Variants in THSD7B observed in about 807,000 individuals in gnomAD.
The protein encoded by THSD7B is thrombospondin type 1 domain containing 7B.
A neutral mutation model predicts 213.6 loss-of-function variants in THSD7B; 138 were observed. The ratio of observed to expected loss-of-function variants is 0.65; its 90% CI spans 0.56 to 0.74. The LOEUF is 0.74. Ranked by LOEUF, THSD7B falls within the 30% of genes least tolerant of loss-of-function variation. The pLI, the probability that THSD7B is intolerant of heterozygous loss-of-function variation, is 0.00. For synonymous variants in THSD7B, 742 were observed against 687.0 expected (o/e 1.08, Z -1.25); for missense variants, 1,931 against 1,991.5 (o/e 0.97, Z 0.58).
intron 12 of THSD7B, among the ~76,000 whole-genome samples, chr2:137,310,788 C>G (rs1683881935): frequency 6.6e-6 from 1 of 151,950 alleles, no homozygotes; most frequent in Non-Finnish European, 1.5e-5. Flanking sequence ...TTGTTTTTCT[C>G]AGGTTTGTCA....
chr2:136,766,871 G>C (rs1180103746), intron 1 of THSD7B, among the ~76,000 whole-genome samples: 1 of 152,106 alleles, frequency 6.6e-6, no homozygotes, highest in East Asian at 1.9e-4. Flanking sequence ...TTTAAATGAC[G>C]GTCTGCCTGG....
rs551999054 is a variant in THSD7B, at chr2:137,647,947, GT to G, written c.3945+5318del. Among the ~76,000 whole-genome samples the G allele has an allele frequency of 5.1e-4, 77 of 152,250 alleles. 1 individual carries two copies. The Middle Eastern group carries it at 0.024, about 47-fold the overall frequency. On this transcript the variant is annotated intron_variant, in intron 21 of 27. Transcript: ENST00000409968. ...GTGTGAAAGTTTTGCCTTGGACTCT[GT>G]TTTCTAGAATATCTACATGAAAACA... is the stretch of plus-strand genomic sequence containing the variant.
intron 12 of THSD7B, among the ~76,000 whole-genome samples, chr2:137,349,358 C>T: frequency 6.6e-6 from 1 of 151,770 alleles, no homozygotes; most frequent in East Asian, 1.9e-4. Flanking sequence ...ATGCTGATTG[C>T]TTTCCATTCC....
chr2:137,080,057 G>C (rs978715028), intron 3 of THSD7B, among the ~76,000 whole-genome samples: 2 of 152,022 alleles, frequency 1.3e-5, no homozygotes, highest in Admixed American at 1.3e-4. Context: ...GGCCAGGCTG[G>C]TCTCAAACTG....
intron 12 of THSD7B, among the ~76,000 whole-genome samples, chr2:137,289,199 G>A (rs1260407641): frequency 6.6e-6 from 1 of 151,762 alleles, no homozygotes; most frequent in Non-Finnish European, 1.5e-5. Flanking sequence ...GTGGAAATTA[G>A]TGGAGAGATT....
chr2:137,581,211 AT>A (rs1218571664), intron 17 of THSD7B, among the ~76,000 whole-genome samples: 1 of 152,206 alleles, frequency 6.6e-6, no homozygotes, highest in Admixed American at 6.5e-5. Flanking sequence ...TGCTGATATT[AT>A]TTTTAGAATT....
intron 1 of THSD7B, among the ~76,000 whole-genome samples, chr2:136,814,567 T>A (rs959495256): frequency 2.6e-5 from 4 of 152,032 alleles, no homozygotes; most frequent in African/African-American, 9.7e-5. Flanking sequence ...CCTGGCTAAT[T>A]TTTTGTAATT....
At chr2:137,256,737 T>C (rs1682319818) in intron 10 of THSD7B, among the ~76,000 whole-genome samples, 1 of 152,138 alleles carries the variant, frequency 6.6e-6, no homozygotes, top group South Asian at 2.1e-4. Flanking sequence ...TGAGACGACA[T>C]TGGAAACCAG....
chr2:137,567,133 CTATTTTATTTTATTT>C lies in THSD7B; in HGVS notation c.3272+3816_3272+3830del, dbSNP rs375165713. Among the ~76,000 whole-genome samples the C allele has an allele frequency of 1.2e-3, 170 of 137,678 alleles. 1 individual carries two copies. The highest frequency in any genetic ancestry group is 2.7e-3 in the South Asian group (11 of 4,078). The allele number at this position is 137,678 out of a possible 152,430, so 90.3% of individuals were successfully genotyped here. The stretch of plus-strand genomic sequence containing the variant: ...GTTTGATGTGGGGGAGTGACATGCT[CTATTTTATTTTATTT>C]TATTTTATTTTATTTTATTTTATTT... On this transcript the variant is annotated intron_variant, in intron 16 of 27. Transcript: ENST00000409968.
At chr2:136,812,346 T>TA (rs1297731553) in intron 1 of THSD7B, among the ~76,000 whole-genome samples, 1 of 152,194 alleles carries the variant, frequency 6.6e-6, no homozygotes, top group South Asian at 2.1e-4. Context: ...AGAAAGAATA[T>TA]AAAAAATTCA....
rs754783041 is a variant in THSD7B, at chr2:137,396,968, C to G, written c.2501-8645C>G. Among the ~76,000 whole-genome samples, 74 of 140,386 alleles carry G rather than the reference C, an allele frequency of 5.3e-4. 6 individuals carry two copies. Among genetic ancestry groups the G allele is most frequent in the Non-Finnish European group, 8.7e-4 (55 of 63,140 alleles). The allele number at this position is 140,386 out of a possible 152,430, so 92.1% of individuals were successfully genotyped here. A position where few individuals can be genotyped will look rare whatever the true frequency, so the allele number is the denominator to read the frequency against. On this transcript the variant is annotated intron_variant, in intron 12 of 27. Transcript: ENST00000409968. ...TTTGTTGGTTTTAAGTCTGTTTTATCAGAGACGAGGATTGCAACCCCTGCC... is the reference window on the plus strand; with the variant it reads ...TTTGTTGGTTTTAAGTCTGTTTTATGAGAGACGAGGATTGCAACCCCTGCC...
chr2:136,937,083 A>G (rs1684747287), intron 2 of THSD7B, among the ~76,000 whole-genome samples: 1 of 152,130 alleles, frequency 6.6e-6, no homozygotes, highest in African/African-American at 2.4e-5. Flanking sequence ...GCACCGTAAC[A>G]AGAAACCTCA....
Position 137,103,186 on chromosome 2 carries a change from C to A in THSD7B, c.1199+8065C>A, listed in dbSNP as rs532799622. On this transcript the variant is annotated intron_variant, in intron 4 of 27. Transcript: ENST00000409968. The stretch of plus-strand genomic sequence containing the variant: ...GAAGCTGATCAGACGGAGAGTGGAT[C>A]TTTCTTCAGAAACCCTACAAGCTAG... Among the ~76,000 whole-genome samples the A allele has an allele frequency of 5.9e-5, 9 of 152,220 alleles. No individual in the cohort carries two copies. In the South Asian group the frequency reaches 1.9e-3, roughly 32 times the overall value.
At chr2:137,602,108 T>A (rs1682084824) in intron 17 of THSD7B, among the ~76,000 whole-genome samples, 2 of 152,210 alleles carry the variant, frequency 1.3e-5, no homozygotes, top group Non-Finnish European at 2.9e-5. Context: ...ACAATCCAAA[T>A]TATCCTTCAA....
intron 2 of THSD7B, among the ~76,000 whole-genome samples, chr2:136,967,401 A>G (rs765192418): frequency 6.6e-6 from 1 of 152,086 alleles, no homozygotes; most frequent in Non-Finnish European, 1.5e-5. Flanking sequence ...ATATCCAGTC[A>G]TTTGCCAAAT....
intron 2 of THSD7B, among the ~76,000 whole-genome samples, chr2:137,016,183 G>A (rs781601846): frequency 1.3e-5 from 2 of 152,046 alleles, no homozygotes; most frequent in Non-Finnish European, 2.9e-5. Flanking sequence ...GGCTTGGGGG[G>A]TGAGGTGGCA....
intron 10 of THSD7B, among the ~76,000 whole-genome samples, chr2:137,264,896 ATACATGTGCCATGCTGGTGCGCTG>A (rs1682548237): frequency 1.3e-5 from 2 of 151,720 alleles, no homozygotes; most frequent in Admixed American, 1.3e-4. Context: ...TTACATATGC[ATACATGTGCCATGCTGGTGCGCTG>A]CACCCACTAA....
chr2:137,555,790 C>G (rs1680949238), intron 15 of THSD7B, among the ~76,000 whole-genome samples: 1 of 152,038 alleles, frequency 6.6e-6, no homozygotes, highest in African/African-American at 2.4e-5. Flanking sequence ...AGTTAAAAAC[C>G]TTGAAAAAAG....
At chr2:136,782,941 A>C (rs1241068903) in intron 1 of THSD7B, among the ~76,000 whole-genome samples, 1 of 152,256 alleles carries the variant, frequency 6.6e-6, no homozygotes, top group Non-Finnish European at 1.5e-5. Flanking sequence ...ACAACATTCA[A>C]CAGAGGAAGA....
Sources: gnomAD v4.1 joint callset for allele counts (sites outside exome capture counted in the v4.1 genomes callset) on GRCh38, gnomAD v4.1.1 for gene constraint, MANE v1.5 for transcripts, NCBI Gene and HGNC (gene_info 2026-07-23, HGNC 2026-07-21) for gene names.